The following ASIC2 variants were observed in gnomAD, a reference collection of about 807,000 sequenced individuals.
ASIC2 encodes acid-sensing ion channel 2.
ASIC2 carries 25 observed loss-of-function variants against 57.3 expected under a neutral mutation model. That is an observed-to-expected ratio of 0.44 (90% CI 0.32 to 0.61). The LOEUF is 0.61. ASIC2 is among the 20% of genes least tolerant of loss of function. The pLI is 0.06. For synonymous variants in ASIC2, 319 were observed against 307.5 expected, an observed-to-expected ratio of 1.04 and a Z score of -0.39; for missense variants, 641 against 738.1, an observed-to-expected ratio of 0.87 and a Z score of 1.52.
At chr17:33,038,901 C>T (rs1438823404) in intron 3 of ASIC2, among the ~76,000 whole-genome samples, 2 of 152,210 alleles carry the variant, frequency 1.3e-5, no homozygotes, top group Non-Finnish European at 2.9e-5. Flanking sequence ...CCGCAGCCCT[C>T]GCAGCCCTAA....
intron 1 of ASIC2, among the ~76,000 whole-genome samples, chr17:33,564,614 C>T (rs1186353126): frequency 1.3e-5 from 2 of 152,270 alleles, no homozygotes; most frequent in Non-Finnish European, 2.9e-5. Flanking sequence ...CACTGCCTGC[C>T]ATGCACACCT....
intron 1 of ASIC2, among the ~76,000 whole-genome samples, chr17:34,047,567 A>G (rs1908387136): frequency 6.7e-6 from 1 of 150,106 alleles, no homozygotes; most frequent in South Asian, 2.1e-4. Flanking sequence ...AATGGGCCAA[A>G]TTTCCCACCC....
At chr17:33,884,569 T>C (rs562063937) in intron 1 of ASIC2, among the ~76,000 whole-genome samples, 1 of 152,218 alleles carries the variant, frequency 6.6e-6, no homozygotes, top group African/African-American at 2.4e-5. Context: ...CCTAATTCTG[T>C]CCTTGGAGCA....
chr17:33,834,889 T>A (rs897144427), intron 1 of ASIC2, among the ~76,000 whole-genome samples: 1 of 152,088 alleles, frequency 6.6e-6, no homozygotes, highest in African/African-American at 2.4e-5. Context: ...CAATGGGGAT[T>A]TGGAGGACTA....
chr17:33,537,964 C>T (rs2141966322), intron 1 of ASIC2, among the ~76,000 whole-genome samples: 1 of 152,316 alleles, frequency 6.6e-6, no homozygotes, highest in East Asian at 1.9e-4. Context: ...CACTACGTGA[C>T]TTCGGGCAAG....
intron 1 of ASIC2, chr17:34,070,691 G>A (rs1276228284): frequency 6.6e-6 from 1 of 152,256 alleles, no homozygotes; most frequent in Non-Finnish European, 1.5e-5. Flanking sequence ...CCACCACATG[G>A]GAGAAAAGAA....
intron 1 of ASIC2, among the ~76,000 whole-genome samples, chr17:33,944,328 G>A (rs1916258256): frequency 6.6e-6 from 1 of 152,228 alleles, no homozygotes; most frequent in African/African-American, 2.4e-5. Flanking sequence ...GCCCTGGGCA[G>A]CAACAGCAGG....
At chr17:33,153,241 C>A (rs1904872582) in intron 1 of ASIC2, among the ~76,000 whole-genome samples, 1 of 152,220 alleles carries the variant, frequency 6.6e-6, no homozygotes, top group African/African-American at 2.4e-5. Context: ...GGGGTTCTCC[C>A]CGATGCTCTG....
At chr17:33,808,621 C>T (rs1912333359) in intron 1 of ASIC2, among the ~76,000 whole-genome samples, 1 of 152,176 alleles carries the variant, frequency 6.6e-6, no homozygotes, top group Non-Finnish European at 1.5e-5. Context: ...TTGGGAGATG[C>T]CCATCTCTTC....
rs554818618 is a variant in ASIC2, at chr17:33,929,491, G to T, written c.555+226487C>A. On this transcript the variant is annotated intron_variant, in intron 1 of 9. Coordinates refer to the ASIC2 transcript ENST00000359872. ...TTGCATTTGCATTCATCACCTTCTG[G>T]GGCTCTGAAGCATTTCAGAGTATAC... 4.6e-5 allele frequency among the ~76,000 whole-genome samples: 7 copies of T among 152,246 alleles called. No homozygotes were observed. In the East Asian group the frequency reaches 1.4e-3, roughly 29 times the overall value.
intron 1 of ASIC2, among the ~76,000 whole-genome samples, chr17:34,137,170 AC>A (rs1386958768): frequency 6.6e-6 from 1 of 152,208 alleles, no homozygotes; most frequent in Non-Finnish European, 1.5e-5. Flanking sequence ...TATATCTGTA[AC>A]CTTCTAAAAA....
At chr17:33,160,302 C>T (rs994572007) in intron 1 of ASIC2, among the ~76,000 whole-genome samples, 5 of 152,184 alleles carry the variant, frequency 3.3e-5, no homozygotes, top group African/African-American at 1.2e-4. Flanking sequence ...ATGTCCCACT[C>T]CCACCTGGAA....
At chr17:33,449,060 A>G (rs193177590) in intron 1 of ASIC2, among the ~76,000 whole-genome samples, 1 of 152,334 alleles carries the variant, frequency 6.6e-6, no homozygotes, top group Admixed American at 6.5e-5. Context: ...GGTGGATTAC[A>G]TGAGATGATG....
intron 1 of ASIC2, among the ~76,000 whole-genome samples, chr17:33,212,153 G>T (rs1907300840): frequency 6.6e-6 from 1 of 152,236 alleles, no homozygotes; most frequent in Non-Finnish European, 1.5e-5. Flanking sequence ...TGTCTGCACA[G>T]ATATCCACGT....
At chr17:33,394,941 CCATCCATCCACG>C (rs1910023785) in intron 1 of ASIC2, among the ~76,000 whole-genome samples, 1 of 152,030 alleles carries the variant, frequency 6.6e-6, no homozygotes, top group African/African-American at 2.4e-5. Flanking sequence ...ATTCATTCAC[CCATCCATCCACG>C]CATCCATCCA....
intron 1 of ASIC2, among the ~76,000 whole-genome samples, chr17:33,347,471 A>G (rs1907993403): frequency 6.6e-6 from 1 of 152,196 alleles, no homozygotes; most frequent in African/African-American, 2.4e-5. Context: ...TGCCGGTTTG[A>G]GTCTTCTGGC....
At chr17:33,484,940 C>G (rs116562547) in intron 1 of ASIC2, among the ~76,000 whole-genome samples, 2,551 of 152,344 alleles carry the variant, frequency 0.017, 70 homozygotes, top group African/African-American at 0.057. Flanking sequence ...CTGCCACTGT[C>G]AGCACACCTA....
intron 1 of ASIC2, among the ~76,000 whole-genome samples, chr17:33,596,453 G>A (rs1170619539): frequency 6.6e-6 from 1 of 152,164 alleles, no homozygotes; most frequent in Non-Finnish European, 1.5e-5. Flanking sequence ...GGGGAGAAAA[G>A]GTAAGAGGGT....
chr17:33,215,054 A>G (rs1425141765), intron 1 of ASIC2, among the ~76,000 whole-genome samples: 1 of 152,208 alleles, frequency 6.6e-6, no homozygotes, highest in Admixed American at 6.5e-5. Flanking sequence ...ACAATTCACA[A>G]ATGAGGAAAT....
Sources: allele counts gnomAD v4.1 joint callset (sites outside exome capture counted in the v4.1 genomes callset), GRCh38; gene constraint gnomAD v4.1.1; transcripts MANE v1.5; gene names NCBI Gene and HGNC (gene_info 2026-07-23, HGNC 2026-07-21).